The following NLGN1 variants were observed in gnomAD, a reference collection of about 807,000 sequenced individuals.
NLGN1 encodes the protein neuroligin 1.
Under a neutral mutation model 65.5 loss-of-function variants are expected in NLGN1, and 12 were observed. The ratio of observed to expected loss-of-function variants is 0.18; its 90% CI spans 0.12 to 0.30. The LOEUF is 0.30. Ranked by LOEUF, NLGN1 falls within the 10% of genes least tolerant of loss-of-function variation. The pLI, the probability that NLGN1 is intolerant of heterozygous loss-of-function variation, is 1.00. For synonymous variants in NLGN1, 350 were observed against 359.5 expected, an observed-to-expected ratio of 0.97 and a Z score of 0.30; for missense variants, 750 against 1,007.1, an observed-to-expected ratio of 0.74 and a Z score of 3.46.
chr3:173,862,485 G>A (rs1294748978), intron 4 of NLGN1, among the ~76,000 whole-genome samples: 2 of 114,482 alleles, frequency 1.7e-5, no homozygotes, highest in South Asian at 2.8e-4. Context: ...CAGCCTGGGC[G>A]ACAGAGCGAG....
intron 3 of NLGN1, among the ~76,000 whole-genome samples, chr3:173,647,786 T>G (rs1048967600): frequency 3.3e-5 from 5 of 152,108 alleles, no homozygotes; most frequent in Non-Finnish European, 7.4e-5. Context: ...GAGCAAATTC[T>G]GCCAAAGCCA....
At chr3:173,865,712 A>T (rs763661167) in intron 4 of NLGN1, among the ~76,000 whole-genome samples, 5 of 152,150 alleles carry the variant, frequency 3.3e-5, no homozygotes, top group Non-Finnish European at 7.3e-5. Flanking sequence ...TTTAAAAGTA[A>T]ACTGCTTCTT....
intron 4 of NLGN1, among the ~76,000 whole-genome samples, chr3:173,850,302 T>G (rs1726651443): frequency 6.6e-6 from 1 of 152,204 alleles, no homozygotes; most frequent in Admixed American, 6.5e-5. Flanking sequence ...CATCTCTTTA[T>G]GGTAATGACT....
At chr3:173,535,490 T>C (rs75329378) in intron 2 of NLGN1, among the ~76,000 whole-genome samples, 3,702 of 152,274 alleles carry the variant, frequency 0.024, 56 homozygotes, top group Middle Eastern at 0.048. Flanking sequence ...CCCTACTATA[T>C]TCAGATATCA....
At chr3:173,466,877 A>G (rs580219) in intron 2 of NLGN1, among the ~76,000 whole-genome samples, 15,619 of 152,250 alleles carry the variant, frequency 0.1, 887 homozygotes, top group Admixed American at 0.14. Flanking sequence ...AATAAAACTT[A>G]CAGATTCAAG....
chr3:173,722,241 C>CTTTT (rs58327862), intron 3 of NLGN1, among the ~76,000 whole-genome samples: 45 of 100,086 alleles, frequency 4.5e-4, no homozygotes, highest in Middle Eastern at 5.8e-3. Context: ...TCTTCTTCTT[C>CTTTT]TTTTTTTTTT....
rs777245100 is a variant in NLGN1, at chr3:173,694,023, G to A, written c.493+88932G>A. Among the ~76,000 whole-genome samples, 3 of 151,938 alleles carry A rather than the reference G, an allele frequency of 2.0e-5. No individual in the cohort carries two copies. In the East Asian group the frequency reaches 5.8e-4, roughly 29 times the overall value. Reference sequence around the variant, plus strand: ...AAAAGGAAAGTATAAGAAAATAATAGGAAGAAAACAGTCCTTAAAAAGTAT... The same window carrying A: ...AAAAGGAAAGTATAAGAAAATAATAAGAAGAAAACAGTCCTTAAAAAGTAT... On this transcript the variant is annotated intron_variant, in intron 3 of 6. Transcript: ENST00000457714.
At chr3:173,977,598 A>G (rs1275928733) in intron 4 of NLGN1, among the ~76,000 whole-genome samples, 1 of 152,020 alleles carries the variant, frequency 6.6e-6, no homozygotes, top group Non-Finnish European at 1.5e-5. Context: ...GATGACTTCA[A>G]CAAGCCGGCT....
chr3:174,253,853 A>G (rs1745191062), intron 4 of NLGN1, among the ~76,000 whole-genome samples: 1 of 152,050 alleles, frequency 6.6e-6, no homozygotes, highest in Non-Finnish European at 1.5e-5. Flanking sequence ...CTTTTGAAAA[A>G]TTTCTCTAAC....
intron 4 of NLGN1, among the ~76,000 whole-genome samples, chr3:173,985,356 C>G (rs1236362116): frequency 6.6e-6 from 1 of 152,168 alleles, no homozygotes; most frequent in African/African-American, 2.4e-5. Context: ...ACCACCTTCT[C>G]ACTCCATCCA....
At chr3:173,718,087 C>T (rs976739086) in intron 3 of NLGN1, among the ~76,000 whole-genome samples, 3 of 151,972 alleles carry the variant, frequency 2.0e-5, no homozygotes, top group East Asian at 1.9e-4. Flanking sequence ...CTATGTGTAG[C>T]GATCAAATTA....
At chr3:174,016,573 CA>C (rs1233314562) in intron 4 of NLGN1, among the ~76,000 whole-genome samples, 2 of 152,230 alleles carry the variant, frequency 1.3e-5, no homozygotes, top group South Asian at 2.1e-4. Flanking sequence ...CATCAGGAGA[CA>C]GGGGTGATGC....
At chr3:173,933,142 A>G (rs1414367839) in intron 4 of NLGN1, among the ~76,000 whole-genome samples, 1 of 152,184 alleles carries the variant, frequency 6.6e-6, no homozygotes, top group East Asian at 1.9e-4. Flanking sequence ...GAGAGTCATT[A>G]AGTAATTGAA....
At chr3:173,911,113 A>C (rs1739495830) in intron 4 of NLGN1, among the ~76,000 whole-genome samples, 1 of 152,208 alleles carries the variant, frequency 6.6e-6, no homozygotes. Flanking sequence ...GAAAGAAAAC[A>C]AACTGTTATA....
intron 4 of NLGN1, among the ~76,000 whole-genome samples, chr3:174,085,885 T>C (rs75355217): frequency 0.013 from 2,005 of 152,122 alleles, 31 homozygotes; most frequent in Non-Finnish European, 0.02. Context: ...TTTTTGCCAT[T>C]ACTTTTAGTG....
Position 174,280,495 on chromosome 3 carries a change from C to T in NLGN1, c.1664C>T (p.Pro555Leu), listed in dbSNP as rs1430912158. The change falls in exon 7 of 7, where the codon CCA becomes CTA. Residue 555 changes from proline to leucine, a missense_variant. Transcript: ENST00000457714. The surrounding 1 kb of genome is among the most constrained non-coding windows in gnomAD (Gnocchi z 4.9). ...TTCCTTCTTAGTGACCCAAATCAAC[C>T]AGTCCCTCAAGACACGAAATTCATT... 1 of 1,599,890 alleles carries T rather than the reference C, an allele frequency of 6.3e-7. No homozygotes were observed. Among genetic ancestry groups the T allele is most frequent in the South Asian group, 1.1e-5 (1 of 88,444 alleles).
chr3:173,635,839 A>C (rs1205933313), intron 3 of NLGN1, among the ~76,000 whole-genome samples: 1 of 152,150 alleles, frequency 6.6e-6, no homozygotes, highest in Non-Finnish European at 1.5e-5. Flanking sequence ...TTCTGAAAGG[A>C]GTGAGTTTTA....
At chr3:173,973,651 G>A (rs1439415658) in intron 4 of NLGN1, among the ~76,000 whole-genome samples, 1 of 151,946 alleles carries the variant, frequency 6.6e-6, no homozygotes, top group Non-Finnish European at 1.5e-5. Flanking sequence ...GTGTTATCTA[G>A]AGAATTTGGT....
intron 3 of NLGN1, among the ~76,000 whole-genome samples, chr3:173,757,167 C>T (rs1373207627): frequency 6.6e-6 from 1 of 151,840 alleles, no homozygotes; most frequent in Non-Finnish European, 1.5e-5. Flanking sequence ...AGTGATACCA[C>T]CTATAACAGA....
Sources: allele counts gnomAD v4.1 joint callset (sites outside exome capture counted in the v4.1 genomes callset), GRCh38; gene constraint gnomAD v4.1.1; non-coding constraint Gnocchi (gnomAD v3.1); transcripts MANE v1.5; gene names NCBI Gene and HGNC (gene_info 2026-07-23, HGNC 2026-07-21).